PACRG: variants seen among roughly 807,000 people sequenced by gnomAD.
The protein encoded by PACRG is parkin coregulated.
PACRG carries 29 observed loss-of-function variants against 29.7 expected under a neutral mutation model. The observed-to-expected ratio is 0.98, with a 90% CI of 0.73 to 1.33. The LOEUF (loss-of-function observed/expected upper bound fraction) is 1.33. PACRG is among the 40% of genes most tolerant of loss of function. The pLI, the probability that PACRG is intolerant of heterozygous loss-of-function variation, is 0.00. For synonymous variants in PACRG, 116 were observed against 118.7 expected, an observed-to-expected ratio of 0.98 and a Z score of 0.15; for missense variants, 279 against 316.2, an observed-to-expected ratio of 0.88 and a Z score of 0.89.
At chr6:162,953,333 A>T (rs1799794229) in intron 2 of PACRG, among the ~76,000 whole-genome samples, 1 of 152,220 alleles carries the variant, frequency 6.6e-6, no homozygotes, top group East Asian at 1.9e-4. Context: ...AGCTACTTGC[A>T]ATGTTCAAGC....
intron 4 of PACRG, among the ~76,000 whole-genome samples, chr6:163,217,548 G>A (rs552307051): frequency 4.8e-4 from 73 of 152,276 alleles, no homozygotes; most frequent in African/African-American, 1.6e-3. Context: ...CCCAGCCCCC[G>A]GGCCATGGAC....
intron 3 of PACRG, among the ~76,000 whole-genome samples, chr6:163,082,060 G>A (rs1021058551): frequency 8.5e-5 from 13 of 152,160 alleles, no homozygotes; most frequent in Admixed American, 3.3e-4. Flanking sequence ...AAGTTAGCCC[G>A]TTAACAAAGT....
chr6:163,076,544 G>A (rs548057625), intron 3 of PACRG, among the ~76,000 whole-genome samples: 9 of 152,218 alleles, frequency 5.9e-5, no homozygotes, highest in Admixed American at 2.0e-4. Context: ...CTCCAAAGTC[G>A]GCCTACTTTA....
chr6:163,194,075 TAG>T (rs1023024869), intron 4 of PACRG, among the ~76,000 whole-genome samples: 5 of 152,106 alleles, frequency 3.3e-5, no homozygotes, highest in Admixed American at 6.5e-5. Context: ...GTATTTTTAG[TAG>T]AGACAGGGTT....
At chr6:162,783,871 C>A (rs1310296861) in intron 1 of PACRG, among the ~76,000 whole-genome samples, 2 of 152,006 alleles carry the variant, frequency 1.3e-5, no homozygotes, top group East Asian at 1.9e-4. Flanking sequence ...ATTATCAATG[C>A]ATTTTTGTCA....
chr6:163,252,754 G>A (rs1166277765), intron 4 of PACRG, among the ~76,000 whole-genome samples: 1 of 152,188 alleles, frequency 6.6e-6, no homozygotes, highest in Admixed American at 6.5e-5. Flanking sequence ...AATTGGAAAA[G>A]GGTCTGATTC....
intron 1 of PACRG, among the ~76,000 whole-genome samples, chr6:162,736,523 C>A (rs1780177093): frequency 1.3e-5 from 2 of 151,898 alleles, no homozygotes. Context: ...GGGTCTGAGT[C>A]CAGGAAAGTT....
intron 2 of PACRG, among the ~76,000 whole-genome samples, chr6:163,008,990 T>C (rs1463213812): frequency 1.3e-5 from 2 of 152,080 alleles, no homozygotes; most frequent in African/African-American, 4.8e-5. Context: ...AAAAGGGAGG[T>C]GACAATTTGC....
At chr6:162,806,574 A>C (rs76534924) in intron 1 of PACRG, among the ~76,000 whole-genome samples, 3,116 of 152,298 alleles carry the variant, frequency 0.02, 109 homozygotes, top group African/African-American at 0.069. Context: ...TTTGTCAATG[A>C]GGAGAATACT....
chr6:163,106,737 G>C (rs1303691701), intron 4 of PACRG, among the ~76,000 whole-genome samples: 1 of 152,200 alleles, frequency 6.6e-6, no homozygotes, highest in Non-Finnish European at 1.5e-5. Context: ...CTTCACTATA[G>C]GTATCCTGAA....
chr6:163,090,173 A>G (rs1308715025), intron 4 of PACRG: 1 of 152,180 alleles, frequency 6.6e-6, no homozygotes, highest in East Asian at 1.9e-4. Flanking sequence ...CTCATCATAC[A>G]TTCAAGAAAA....
At chr6:163,135,853 T>C (rs1415214875) in intron 4 of PACRG, among the ~76,000 whole-genome samples, 1 of 152,222 alleles carries the variant, frequency 6.6e-6, no homozygotes, top group Non-Finnish European at 1.5e-5. Flanking sequence ...GCAAGATGTA[T>C]CTTTAAATTT....
At chr6:163,112,587 T>C (rs1037384671) in intron 4 of PACRG, among the ~76,000 whole-genome samples, 1 of 152,156 alleles carries the variant, frequency 6.6e-6, no homozygotes, top group African/African-American at 2.4e-5. Context: ...TCTCCTTTGC[T>C]TCTTTTGGAA....
At chr6:163,032,771 C>A (rs1479327623) in intron 2 of PACRG, among the ~76,000 whole-genome samples, 1 of 152,172 alleles carries the variant, frequency 6.6e-6, no homozygotes, top group Admixed American at 6.6e-5. Context: ...AGACCCAATT[C>A]TTAGTAAACC....
intron 2 of PACRG, among the ~76,000 whole-genome samples, chr6:163,041,508 C>T (rs1461754719): frequency 6.6e-6 from 1 of 152,056 alleles, no homozygotes; most frequent in Admixed American, 6.5e-5. Context: ...TCTCTCCAGC[C>T]ACCATGTAAG....
chr6:163,066,334 G>A (rs1221396673), intron 3 of PACRG, among the ~76,000 whole-genome samples: 1 of 152,166 alleles, frequency 6.6e-6, no homozygotes, highest in Non-Finnish European at 1.5e-5. Context: ...AAAACACTGT[G>A]GACGCAGTGA....
intron 2 of PACRG, among the ~76,000 whole-genome samples, chr6:162,907,387 C>A (rs1341643878): frequency 2.0e-5 from 3 of 152,038 alleles, no homozygotes. Flanking sequence ...AACAATTTTT[C>A]TTTCAATTGG....
At chr6:163,015,305 T>A (rs1805990232) in intron 2 of PACRG, among the ~76,000 whole-genome samples, 1 of 152,206 alleles carries the variant, frequency 6.6e-6, no homozygotes, top group African/African-American at 2.4e-5. Flanking sequence ...TTGTTCTTTT[T>A]GTTTAGGATT....
chr6:162,894,548 T>C (rs907157589), intron 2 of PACRG, among the ~76,000 whole-genome samples: 3 of 152,200 alleles, frequency 2.0e-5, no homozygotes, highest in Admixed American at 2.0e-4. Context: ...TCTATTTGGG[T>C]GCACGCCGAG....
Sources: allele counts gnomAD v4.1 joint callset (sites outside exome capture counted in the v4.1 genomes callset), GRCh38; gene constraint gnomAD v4.1.1; transcripts MANE v1.5; gene names NCBI Gene and HGNC (gene_info 2026-07-23, HGNC 2026-07-21).